Variants in TRPS1 observed in about 807,000 individuals in gnomAD.
The protein encoded by TRPS1 is transcriptional repressor GATA binding 1.
TRPS1 carries 6 observed loss-of-function variants against 101.2 expected under a neutral mutation model. That is an observed-to-expected ratio of 0.06 (90% CI 0.03 to 0.12). The LOEUF (loss-of-function observed/expected upper bound fraction) is 0.12, where lower values mean the gene tolerates loss of function less well. TRPS1 is among the 10% of genes least tolerant of loss of function. The probability of loss-of-function intolerance (pLI) is 1.00; values close to 1 mark genes in which losing one functional copy is unlikely to be tolerated. For missense variants in TRPS1, 1,363 were observed against 1,567.0 expected (o/e 0.87, Z 2.20); for synonymous variants, 578 against 589.8 (o/e 0.98, Z 0.29).
At chr8:115,667,759 G>T in intron 1 of TRPS1, 1 of 1,372,732 alleles carries the variant, frequency 7.3e-7, no homozygotes, top group Non-Finnish European at 9.8e-7. Flanking sequence ...TTTGAAGCCT[G>T]CATTTGCAAA....
chr8:115,649,114 A>T (rs575097718), intron 1 of TRPS1, among the ~76,000 whole-genome samples: 435 of 152,326 alleles, frequency 2.9e-3, no homozygotes, highest in Non-Finnish European at 5.1e-3. Context: ...GAGACTGCAG[A>T]TATCGCTACA....
chr8:115,659,428 A>G (rs993714485), intron 1 of TRPS1, among the ~76,000 whole-genome samples: 3 of 151,784 alleles, frequency 2.0e-5, no homozygotes, highest in Admixed American at 6.6e-5. Flanking sequence ...AAAATTCAGC[A>G]GCCAAACACA....
At chr8:115,653,045 G>T (rs1287918998) in intron 1 of TRPS1, among the ~76,000 whole-genome samples, 1 of 151,984 alleles carries the variant, frequency 6.6e-6, no homozygotes, top group Non-Finnish European at 1.5e-5. Context: ...ACAAAAAACG[G>T]TGTTTTCTGA....
chr8:115,494,209 T>C (rs1455525959), intron 5 of TRPS1, among the ~76,000 whole-genome samples: 2 of 152,236 alleles, frequency 1.3e-5, no homozygotes, highest in African/African-American at 2.4e-5. Context: ...CCAATAGCCT[T>C]GCAGCTAATC....
At chr8:115,424,007 GA>G (rs1428464524) in intron 5 of TRPS1, among the ~76,000 whole-genome samples, 3 of 152,140 alleles carry the variant, frequency 2.0e-5, no homozygotes, top group African/African-American at 4.8e-5. Context: ...AACATTTACA[GA>G]CATGGATATT....
At chr8:115,544,961 T>C (rs1816537343) in intron 5 of TRPS1, among the ~76,000 whole-genome samples, 1 of 152,138 alleles carries the variant, frequency 6.6e-6, no homozygotes, top group African/African-American at 2.4e-5. Flanking sequence ...ATAAATACAA[T>C]CATTTAAAAA....
At chr8:115,640,993 T>A (rs1180081423) in intron 1 of TRPS1, among the ~76,000 whole-genome samples, 1 of 151,952 alleles carries the variant, frequency 6.6e-6, no homozygotes, top group East Asian at 1.9e-4. Context: ...AACTTGGGGG[T>A]GGGGAGGTGT....
intron 4 of TRPS1, among the ~76,000 whole-genome samples, chr8:115,591,891 G>A (rs1369915222): frequency 6.6e-6 from 1 of 152,058 alleles, no homozygotes; most frequent in African/African-American, 2.4e-5. Flanking sequence ...TGAAGTATAC[G>A]GCCCATTTCA....
At chr8:115,429,763 C>G (rs1813274840) in intron 5 of TRPS1, among the ~76,000 whole-genome samples, 1 of 152,102 alleles carries the variant, frequency 6.6e-6, no homozygotes, top group African/African-American at 2.4e-5. Flanking sequence ...TTTCCCCTGC[C>G]TTATGTTTAT....
intron 1 of TRPS1, among the ~76,000 whole-genome samples, chr8:115,629,144 GA>G (rs1162535830): frequency 6.6e-6 from 1 of 150,894 alleles, no homozygotes; most frequent in Non-Finnish European, 1.5e-5. Flanking sequence ...CGTAGTTAAG[GA>G]AAAAAACAAA....
chr8:115,637,693 C>T (rs1335206893), intron 1 of TRPS1, among the ~76,000 whole-genome samples: 1 of 152,188 alleles, frequency 6.6e-6, no homozygotes, highest in Non-Finnish European at 1.5e-5. Flanking sequence ...GATATTATCA[C>T]ACCTTAGTAC....
chr8:115,570,896 G>C (rs1817188426), intron 5 of TRPS1, among the ~76,000 whole-genome samples: 1 of 152,170 alleles, frequency 6.6e-6, no homozygotes, highest in African/African-American at 2.4e-5. Context: ...ATTAAAAATA[G>C]AATAACCAAG....
At chr8:115,620,817 C>G (rs1818376937) in intron 2 of TRPS1, among the ~76,000 whole-genome samples, 1 of 152,206 alleles carries the variant, frequency 6.6e-6, no homozygotes, top group African/African-American at 2.4e-5. Context: ...TTTCCTAGGA[C>G]TCTGTCCAGC....
intron 1 of TRPS1, among the ~76,000 whole-genome samples, chr8:115,642,248 GTA>G (rs1818917629): frequency 3.1e-4 from 21 of 67,000 alleles, no homozygotes; most frequent in South Asian, 2.3e-3. Flanking sequence ...AAACCTGTGT[GTA>G]TATATATATA....
Position 115,414,754 on chromosome 8 carries a change from T to C in TRPS1, c.3154A>G (p.Ile1052Val). The C allele has an allele frequency of 6.2e-7, 1 of 1,614,080 alleles. No individual in the cohort carries two copies. Among genetic ancestry groups the C allele is most frequent in the Non-Finnish European group, 8.5e-7 (1 of 1,179,962 alleles). ...HKRMQPLHIQIKSPQESTGDP... is the reference protein window; with the variant it reads ...HKRMQPLHIQVKSPQESTGDP... Reference sequence around the variant, plus strand: ...CCAGTACTTTCCTGAGGACTTTTTATCTGAATGTGCAAAGGTTGCATCCTT... The same window carrying C: ...CCAGTACTTTCCTGAGGACTTTTTACCTGAATGTGCAAAGGTTGCATCCTT... Residue 1052 changes from isoleucine (I) to valine (V), a missense_variant, in exon 7 of 7, where the codon ATA (isoleucine) becomes GTA (valine). By Grantham distance (29) the Ile-to-Val change is conservative. Coordinates refer to ENST00000395715, the MANE Select transcript of TRPS1 (RefSeq NM_014112.5). The surrounding 1 kb of genome is among the most constrained non-coding windows in gnomAD (Gnocchi z 4.8).
rs184504658 is a variant in TRPS1, at chr8:115,618,674, G to A, written c.966+458C>T. Among the ~76,000 whole-genome samples, 93 of 152,164 alleles carry A rather than the reference G, an allele frequency of 6.1e-4. 2 individuals carry two copies. Among genetic ancestry groups the A allele is most frequent in the Admixed American group, 5.3e-3 (81 of 15,270 alleles). ...ATCTCTGCAACCATCAATATGAACCGTCAGGATGAATATAAAATCAAATCC... is the reference window on the plus strand; with the variant it reads ...ATCTCTGCAACCATCAATATGAACCATCAGGATGAATATAAAATCAAATCC... On this transcript the variant is annotated intron_variant, in intron 3 of 6. Transcript: ENST00000395715.
rs1279706706 is a variant in TRPS1, at chr8:115,604,386, G to C, written c.1583C>G (p.Ala528Gly). The C allele has an allele frequency of 6.2e-7, 1 of 1,613,828 alleles. No homozygotes were observed. Among genetic ancestry groups the C allele is most frequent in the Non-Finnish European group, 8.5e-7 (1 of 1,179,976 alleles). ...AKKKDFSSKG[A>G]EDNMVTSYNC... The stretch of plus-strand genomic sequence containing the variant: ...ATAGCTCGTTACCATATTATCCTCG[G>C]CTCCCTTGCTGGAGAAGTCCTTCTT... The change falls in exon 4 of 7, where the codon GCC (alanine) becomes GGC (glycine). Residue 528 changes from alanine to glycine, a missense_variant. This residue lies in a region of TRPS1 where 1,020 missense variants were observed against 1,073.0 expected (regional missense o/e 0.95). Transcript: ENST00000395715. The surrounding 1 kb of genome is among the most constrained non-coding windows in gnomAD (Gnocchi z 4.1).
intron 5 of TRPS1, among the ~76,000 whole-genome samples, chr8:115,520,407 C>T (rs1450400800): frequency 6.6e-6 from 1 of 151,732 alleles, no homozygotes; most frequent in East Asian, 1.9e-4. Flanking sequence ...GCTGTAGATT[C>T]TTGGTAAAGC....
At chr8:115,573,455 C>T (rs2130403399) in intron 5 of TRPS1, among the ~76,000 whole-genome samples, 1 of 152,240 alleles carries the variant, frequency 6.6e-6, no homozygotes, top group South Asian at 2.1e-4. Flanking sequence ...ATAAACTTTG[C>T]TAACTCTTGA....
Sources: allele counts gnomAD v4.1 joint callset (sites outside exome capture counted in the v4.1 genomes callset), GRCh38; gene constraint gnomAD v4.1.1; regional missense constraint gnomAD v4.1.1; non-coding constraint Gnocchi (gnomAD v3.1); transcripts MANE v1.5; gene names NCBI Gene and HGNC (gene_info 2026-07-23, HGNC 2026-07-21).